Variants in LRRC36 observed in about 807,000 individuals in gnomAD.
LRRC36 encodes the protein leucine-rich repeat-containing protein 36.
LRRC36 carries 62 observed loss-of-function variants against 81.1 expected under a neutral mutation model. The observed-to-expected ratio is 0.76, with a 90% confidence interval of 0.62 to 0.94. LRRC36 has a LOEUF of 0.94. Among genes scored for constraint, LRRC36 ranks in the 40% least tolerant of loss-of-function variants. The pLI is 0.00. For synonymous variants in LRRC36, 334 were observed against 348.6 expected, an observed-to-expected ratio of 0.96 and a Z score of 0.47; for missense variants, 761 against 881.7, an observed-to-expected ratio of 0.86 and a Z score of 1.73.
Position 67,367,080 on chromosome 16 carries a change from G to T in LRRC36, c.818G>T (p.Gly273Val), listed in dbSNP as rs1048550718. 1.2e-6 allele frequency: 2 copies of T among 1,614,026 alleles called. No individual in the cohort carries two copies. Among genetic ancestry groups the T allele is most frequent in the Non-Finnish European group, 1.7e-6 (2 of 1,179,984 alleles). Residue 273 changes from glycine (G) to valine (V), a missense_variant, in exon 8 of 14, where the codon GGG becomes GTG. By Grantham distance (109) the Gly-to-Val change is moderately radical. Coordinates refer to ENST00000329956, the MANE Select transcript of LRRC36 (RefSeq NM_018296.6). ...VRSPEKMTRE[G>V]YQVSFLDNKS... ...TCCCCAGAGAAGATGACTAGAGAAG[G>T]GTACCAAGTATCTTTTTTGGACAAT...
At chr16:67,347,335 T>C in intron 3 of LRRC36, 160 bp from the exon 4 acceptor site, 1 of 1,393,260 alleles carries the variant, frequency 7.2e-7, no homozygotes, top group East Asian at 2.8e-5. Flanking sequence ...TCCTGCCTGC[T>C]CCAGTGACAA....
chr16:67,361,787 G>A (rs201847252), intron 5 of LRRC36, among the ~76,000 whole-genome samples: 8 of 151,916 alleles, frequency 5.3e-5, no homozygotes, highest in East Asian at 1.9e-4. Flanking sequence ...CGCTGGTCTC[G>A]AACTCCTGAC....
At chr16:67,331,096 AG>A (rs2037467985) in intron 1 of LRRC36, among the ~76,000 whole-genome samples, 1 of 151,390 alleles carries the variant, frequency 6.6e-6, no homozygotes, top group Admixed American at 6.6e-5. Flanking sequence ...AGAGAGAGAG[AG>A]AGAGAGAGAG....
At chr16:67,341,867 A>G in intron 1 of LRRC36, 90 bp from the exon 2 acceptor site, 1 of 1,020,696 alleles carries the variant, frequency 9.8e-7, no homozygotes, top group Non-Finnish European at 1.4e-6. Context: ...TGCACAGTTG[A>G]GATATGGGAG....
intron 1 of LRRC36, among the ~76,000 whole-genome samples, chr16:67,338,562 A>G (rs2037870399): frequency 6.6e-6 from 1 of 152,162 alleles, no homozygotes; most frequent in Admixed American, 6.5e-5. Flanking sequence ...GGAATCTGAA[A>G]CAACATCAAT....
At chr16:67,374,577 G>A (rs2039803409) in intron 9 of LRRC36, among the ~76,000 whole-genome samples, 1 of 151,618 alleles carries the variant, frequency 6.6e-6, no homozygotes, top group South Asian at 2.1e-4. Context: ...TGTGTTTTTA[G>A]TACAGGTAGG....
At chr16:67,345,920 C>T (rs2038325471) in intron 2 of LRRC36, among the ~76,000 whole-genome samples, 1 of 152,002 alleles carries the variant, frequency 6.6e-6, no homozygotes, top group Non-Finnish European at 1.5e-5. Context: ...GTGGCTTGGC[C>T]ACTGGGAAAC....
At chr16:67,364,446 T>C (rs912105925) in intron 6 of LRRC36, among the ~76,000 whole-genome samples, 4 of 152,380 alleles carry the variant, frequency 2.6e-5, no homozygotes, top group Non-Finnish European at 5.9e-5. Context: ...GCAAAGGCTC[T>C]GATTAATCCA....
At chr16:67,371,605 C>T (rs1296301922) in intron 9 of LRRC36, 4 of 309,802 alleles carry the variant, frequency 1.3e-5, no homozygotes, top group South Asian at 8.9e-5. Flanking sequence ...GGCACAGTGG[C>T]GCATGCCTGT....
Position 67,350,286 on chromosome 16 carries a change from A to G in LRRC36, c.573A>G (p.Glu191=). 1 of 1,610,748 alleles carries G rather than the reference A, an allele frequency of 6.2e-7. No homozygotes were observed. Residue 191 remains glutamate (E), a synonymous_variant, in exon 5 of 14, where the codon GAA becomes GAG. Coordinates refer to ENST00000329956, the MANE Select transcript of LRRC36 (RefSeq NM_018296.6). ...KVSANVDSRI[E]MDSNKGLFIP... ...GTGCTAATGTTGACAGCAGGATTGA[A>G]ATGGGTAAGTTTTCTCCCTGTGATT...
At chr16:67,329,564 G>C (rs183693757) in intron 1 of LRRC36, among the ~76,000 whole-genome samples, 2 of 151,216 alleles carry the variant, frequency 1.3e-5, no homozygotes, top group Admixed American at 1.3e-4. Flanking sequence ...GTGATTTCTT[G>C]ATATCATGAA....
At chr16:67,341,491 G>A (rs2038080349) in intron 1 of LRRC36, among the ~76,000 whole-genome samples, 2 of 151,778 alleles carry the variant, frequency 1.3e-5, no homozygotes, top group African/African-American at 2.4e-5. Flanking sequence ...TCGTATCAAT[G>A]TACTATTATT....
Position 67,326,911 on chromosome 16 carries a change from G to C in LRRC36, c.49G>C (p.Ala17Pro). The change falls in exon 1 of 14, where the codon GCG becomes CCG. Residue 17 changes from alanine to proline, a missense_variant. Ala to Pro is a conservative substitution (Grantham distance 27). Around this residue, in one of 3 missense-constraint regions of LRRC36, gnomAD observed 263 missense variants for 279.3 expected, o/e 0.94. Coordinates refer to ENST00000329956, the MANE Select transcript of LRRC36 (RefSeq NM_018296.6). Reference protein sequence around the residue: ...LDEEGIRRLGALTLEQPELVE... With the variant: ...LDEEGIRRLGPLTLEQPELVE... ...CGAGGAAGGCATTCGCCGCCTGGGG[G>C]CGCTGACGCTGGAGCAGCCGGGTAG... 6.7e-7 allele frequency: 1 copy of C among 1,486,440 alleles called. No individual in the cohort carries two copies. The highest frequency in any genetic ancestry group is 8.8e-7 in the Non-Finnish European group (1 of 1,129,986). The allele number at this position is 1,486,440 out of a possible 1,614,324, so 92.1% of individuals were successfully genotyped here. A position where few individuals can be genotyped will look rare whatever the true frequency, so the allele number is the denominator to read the frequency against.
intron 2 of LRRC36, among the ~76,000 whole-genome samples, chr16:67,343,879 T>C (rs1222107275): frequency 6.6e-6 from 1 of 151,922 alleles, no homozygotes; most frequent in Admixed American, 6.6e-5. Flanking sequence ...TGCAGTAGTG[T>C]GATCTTGGCT....
intron 5 of LRRC36, among the ~76,000 whole-genome samples, chr16:67,354,478 A>G (rs1350716058): frequency 2.0e-5 from 3 of 152,206 alleles, no homozygotes; most frequent in Admixed American, 1.3e-4. Flanking sequence ...GGGTTTTACC[A>G]TGTTGGCCAG....
chr16:67,355,550 A>G (rs1432060218), intron 5 of LRRC36, among the ~76,000 whole-genome samples: 1 of 150,642 alleles, frequency 6.6e-6, no homozygotes, highest in Non-Finnish European at 1.5e-5. Flanking sequence ...AATTTTTTGT[A>G]TTTTTAGTAG....
intron 5 of LRRC36, chr16:67,362,084 T>C (rs2039173651): frequency 8.6e-6 from 3 of 350,114 alleles, no homozygotes; most frequent in South Asian, 6.2e-5. Context: ...TTTTTTTTAA[T>C]GTAAAAATTA....
At chr16:67,358,166 G>GT (rs35944413) in intron 5 of LRRC36, among the ~76,000 whole-genome samples, 11,085 of 137,172 alleles carry the variant, frequency 0.081, 665 homozygotes, top group African/African-American at 0.16. Context: ...CAAGGCATCA[G>GT]TTTTTTTTTT....
intron 1 of LRRC36, among the ~76,000 whole-genome samples, chr16:67,332,548 C>T (rs557192520): frequency 4.6e-5 from 7 of 151,380 alleles, no homozygotes; most frequent in Non-Finnish European, 7.4e-5. Flanking sequence ...AGCGAGACTC[C>T]GTCTCAAAAA....
Sources: gnomAD v4.1 joint callset for allele counts (sites outside exome capture counted in the v4.1 genomes callset) on GRCh38, gnomAD v4.1.1 for gene constraint, gnomAD v4.1.1 regional missense constraint, MANE v1.5 for transcripts, NCBI Gene and HGNC (gene_info 2026-07-23, HGNC 2026-07-21) for gene names.